The following REEP2 variants were observed in gnomAD, a reference collection of about 807,000 sequenced individuals.
The protein encoded by REEP2 is receptor accessory protein 2, also known as receptor expression-enhancing protein 2.
REEP2 carries 9 observed loss-of-function variants against 32.1 expected under a neutral mutation model. The ratio of observed to expected loss-of-function variants is 0.28; its 90% confidence interval spans 0.17 to 0.49. REEP2 has a LOEUF of 0.49. REEP2 is among the 20% of genes least tolerant of loss of function. The pLI is 0.99. For synonymous variants in REEP2, 128 were observed against 139.1 expected (o/e 0.92, Z 0.56); for missense variants, 236 against 338.0 (o/e 0.70, Z 2.37).
At position 138,444,448 on chromosome 5, in the gene REEP2, C is replaced by T. The variant is rs550111412; in HGVS notation, c.216C>T (p.Phe72=). ...TCTACTTTGAACTGAAGATCGCCTT[C>T]GTGATATGGCTGCTGTCCCCTTACA... The part of the protein sequence containing the change: ...FPFYFELKIA[F]VIWLLSPYTK... The change falls in exon 4 of 8, where the codon TTC becomes TTT. Residue 72 remains phenylalanine (F), a synonymous_variant. Coordinates refer to ENST00000378339, the MANE Select transcript of REEP2 (RefSeq NM_001271803.2). The T allele has an allele frequency of 1.2e-5, 19 of 1,614,064 alleles. No homozygotes were observed. Among genetic ancestry groups the T allele is most frequent in the East Asian group, 2.2e-5 (1 of 44,876 alleles).
In REEP2 at chr5:138,439,086, G is replaced by T. The variant is rs552699765; in HGVS notation, c.-123G>T. The T allele has an allele frequency of 1.7e-4, 62 of 357,076 alleles. 1 individual carries two copies. The South Asian group carries it at 5.4e-3, about 31-fold the overall frequency. 22.1% of individuals were successfully genotyped at this position (357,076 alleles called of 1,614,324 possible). On this transcript the variant is annotated 5_prime_UTR_variant, in exon 1 of 8. Transcript: ENST00000378339. ...CTGGGCGCTCCGCTGCCCCCGCGGC[G>T]GCTGCTGCAGCGGCTGCTGCTGCTA...
At chr5:138,442,118 A>G (rs1201925100) in intron 3 of REEP2, among the ~76,000 whole-genome samples, 1 of 152,170 alleles carries the variant, frequency 6.6e-6, no homozygotes, top group Non-Finnish European at 1.5e-5. Context: ...ACTCCTATAA[A>G]TGCTGGATAC....
Position 138,446,071 on chromosome 5 carries a change from A to C in REEP2, c.*320A>C. 1 of 370,636 alleles carries C rather than the reference A, an allele frequency of 2.7e-6. No homozygotes were observed. The highest frequency in any genetic ancestry group is 4.9e-6 in the Non-Finnish European group (1 of 204,746). The allele number at this position is 370,636 out of a possible 1,614,324, so 23.0% of individuals were successfully genotyped here. ...GCCCCACCCACCCAGTGCCTTGCTGAAGCCCATAGCAATCCGCTTCTCAGA... is the reference window on the plus strand; with the variant it reads ...GCCCCACCCACCCAGTGCCTTGCTGCAGCCCATAGCAATCCGCTTCTCAGA... On this transcript the variant is annotated 3_prime_UTR_variant, in exon 8 of 8. Coordinates refer to ENST00000378339, the MANE Select transcript of REEP2 (RefSeq NM_001271803.2).
At chr5:138,440,149 T>C (rs756877330) in intron 1 of REEP2, among the ~76,000 whole-genome samples, 18 of 152,202 alleles carry the variant, frequency 1.2e-4, no homozygotes, top group Non-Finnish European at 2.2e-4. Flanking sequence ...CCTGCCCTAA[T>C]GAGGACACTG....
intron 1 of REEP2, 86 bp downstream of exon 1, chr5:138,439,326 T>G: frequency 7.6e-7 from 1 of 1,314,822 alleles, no homozygotes; most frequent in Non-Finnish European, 1.0e-6. Context: ...CGAAGCTTCG[T>G]GCAGCAGAGT....
At chr5:138,443,652 C>A (rs1475829414) in intron 3 of REEP2, 1 of 152,076 alleles carries the variant, frequency 6.6e-6, no homozygotes, top group African/African-American at 2.4e-5. Flanking sequence ...AGTGATCCTC[C>A]CACCTCAACC....
In REEP2 at chr5:138,445,802, C is replaced by A. The variant is rs1378316605; in HGVS notation, c.*51C>A. ...AGCAAGGATGAAGCCTCAGGAGGGG[C>A]CTCAGACCCAGCCCCTGCTCCACAC... On this transcript the variant is annotated 3_prime_UTR_variant, in exon 8 of 8. Coordinates refer to ENST00000378339, the MANE Select transcript of REEP2 (RefSeq NM_001271803.2). The A allele has an allele frequency of 1.9e-6, 3 of 1,557,288 alleles. No individual in the cohort carries two copies. The Admixed American group carries it at 5.4e-5, about 28-fold the overall frequency.
rs766170196 is a variant in REEP2 at position 138,441,414 on chromosome 5, T to C, written c.135T>C (p.Phe45=). ...YVKWMMYWIV[F]AFFTTAETLT... The stretch of plus-strand genomic sequence containing the variant: ...AATGGATGATGTACTGGATCGTCTT[T>C]GCCTTCTTCACCACGGCCGAGACGC... Residue 45 remains phenylalanine, a synonymous_variant, in exon 3 of 8, where the codon TTT becomes TTC. Transcript: ENST00000378339. This position sits in a 1 kb window ranked among gnomAD's most constrained non-coding sequence, Gnocchi z 4.4. 5.6e-6 allele frequency: 9 copies of C among 1,614,088 alleles called. No individual in the cohort carries two copies. Among genetic ancestry groups the C allele is most frequent in the African/African-American group, 1.3e-5 (1 of 74,940 alleles).
chr5:138,445,093 CTCTG>C (rs1202085204), intron 5 of REEP2, 131 bp from the exon 6 acceptor site: 18 of 1,058,770 alleles, frequency 1.7e-5, no homozygotes, highest in Non-Finnish European at 2.5e-5. Context: ...CAGCCCTCAG[CTCTG>C]TCTGTGTGGG....
chr5:138,443,382 C>A (rs1763863043), intron 3 of REEP2, among the ~76,000 whole-genome samples: 1 of 151,032 alleles, frequency 6.6e-6, no homozygotes, highest in African/African-American at 2.4e-5. Flanking sequence ...ATTGCTTGAA[C>A]CCAGGAGGCA....
chr5:138,439,111 ACTGCGGCTC>A lies in REEP2; in HGVS notation c.-93_-85del. On this transcript the variant is annotated 5_prime_UTR_variant, in exon 1 of 8. Transcript: ENST00000378339. ...GGCTGCTGCAGCGGCTGCTGCTGCT[ACTGCGGCTC>A]CTGCTGCCGCCGCCGCCGCCGCTCG... 1.7e-6 allele frequency: 1 copy of A among 602,878 alleles called. No individual in the cohort carries two copies. The highest frequency in any genetic ancestry group is 7.8e-5 in the South Asian group (1 of 12,756). The allele number at this position is 602,878 out of a possible 1,614,324, so 37.3% of individuals were successfully genotyped here.
rs563152738 is a variant in REEP2 at position 138,441,770 on chromosome 5, C to CAA, written c.182+318_182+319dup. Among the ~76,000 whole-genome samples the CAA allele has an allele frequency of 4.8e-4, 71 of 147,958 alleles. No individual in the cohort carries two copies. The highest frequency in any genetic ancestry group is 7.2e-4 in the Non-Finnish European group (48 of 66,692). On this transcript the variant is annotated intron_variant, in intron 3 of 7. Coordinates refer to ENST00000378339, the MANE Select transcript of REEP2 (RefSeq NM_001271803.2). The surrounding 1 kb of genome is among the most constrained non-coding windows in gnomAD (Gnocchi z 4.4). ...TGAAACCCCGTCTCCACTAAAAATA[C>CAA]AAAAAAAAAATAGCTGGGCATGGTG...
Position 138,441,556 on chromosome 5 carries a change from G to A in REEP2, c.182+95G>A. 9.4e-7 allele frequency: 1 copy of A among 1,060,970 alleles called. No homozygotes were observed. 65.7% of individuals were successfully genotyped at this position (1,060,970 alleles called of 1,614,324 possible). A position where few individuals can be genotyped will look rare whatever the true frequency, so the allele number is the denominator to read the frequency against. On this transcript the variant is annotated intron_variant, in intron 3 of 7. Coordinates refer to ENST00000378339, the MANE Select transcript of REEP2 (RefSeq NM_001271803.2). This position sits in a 1 kb window ranked among gnomAD's most constrained non-coding sequence, Gnocchi z 4.4. ...ACAAAAGACTGGGCCTGGGGGTGAA[G>A]CTCCTCCCATTCCTGACAATTTCAT...
At position 138,442,582 on chromosome 5, in the gene REEP2, G is replaced by A. The variant is rs562097688; in HGVS notation, c.182+1121G>A. 2.8e-3 allele frequency among the ~76,000 whole-genome samples: 429 copies of A among 152,240 alleles called. 2 individuals carry two copies. The highest frequency in any genetic ancestry group is 4.9e-3 in the Non-Finnish European group (333 of 68,018). On this transcript the variant is annotated intron_variant, in intron 3 of 7. Transcript: ENST00000378339. ...AAAAATTAGCTAGGCATGGCAGGGC[G>A]CAGTGGCTCACACCTGTAATCCCAG...
intron 1 of REEP2, chr5:138,439,922 C>A: frequency 5.4e-6 from 2 of 372,702 alleles, no homozygotes; most frequent in Non-Finnish European, 1.1e-5. Context: ...GCCAGCCACA[C>A]TGTGGAGCTG....
At position 138,445,019 on chromosome 5, in the gene REEP2, C is replaced by G. The variant is rs563350671; in HGVS notation, c.417+152C>G. The G allele has an allele frequency of 2.6e-5, 20 of 765,698 alleles. No individual in the cohort carries two copies. The Admixed American group carries it at 5.2e-4, about 20-fold the overall frequency. The allele number at this position is 765,698 out of a possible 1,614,324, so 47.4% of individuals were successfully genotyped here. On this transcript the variant is annotated intron_variant, in intron 5 of 7. Coordinates refer to ENST00000378339, the MANE Select transcript of REEP2 (RefSeq NM_001271803.2). Reference sequence around the variant, plus strand: ...AGTCCAGGCTCTACTGCTATCTGGCCGAGTCACTTTGATTGTCCGGCCATT... The same window carrying G: ...AGTCCAGGCTCTACTGCTATCTGGCGGAGTCACTTTGATTGTCCGGCCATT...
intron 5 of REEP2, 32 bp downstream of exon 5, chr5:138,444,899 C>A (rs753836980): frequency 6.5e-7 from 1 of 1,533,510 alleles, no homozygotes; most frequent in East Asian, 2.3e-5. Context: ...ACTCCCAGGG[C>A]CCCTACCTTG....
intron 1 of REEP2, among the ~76,000 whole-genome samples, chr5:138,440,708 C>T (rs1479705746): frequency 6.6e-6 from 1 of 152,192 alleles, no homozygotes; most frequent in Non-Finnish European, 1.5e-5. Context: ...GACTCCCAGT[C>T]TCCATGACAT....
chr5:138,441,042 C>G lies in REEP2; in HGVS notation c.59C>G (p.Ala20Gly). 6.2e-7 allele frequency: 1 copy of G among 1,613,630 alleles called. No individual in the cohort carries two copies. The highest frequency in any genetic ancestry group is 8.5e-7 in the Non-Finnish European group (1 of 1,180,008). Reference sequence around the variant, plus strand: ...CTCATCTTTGGCACCCTGTACCCAGCCTATTCTTCCTACAAGGCCGTGAAG... The same window carrying G: ...CTCATCTTTGGCACCCTGTACCCAGGCTATTCTTCCTACAAGGCCGTGAAG... ...VVLIFGTLYPAYSSYKAVKTK... is the reference protein window; with the variant it reads ...VVLIFGTLYPGYSSYKAVKTK... Residue 20 changes from alanine (A) to glycine (G), a missense_variant, in exon 2 of 8, where the codon GCC (alanine) becomes GGC (glycine). Physicochemically the swap from Ala to Gly is moderately conservative, Grantham distance 60. Transcript: ENST00000378339. This position sits in a 1 kb window ranked among gnomAD's most constrained non-coding sequence, Gnocchi z 4.4.
Sources: gnomAD v4.1 joint callset for allele counts (sites outside exome capture counted in the v4.1 genomes callset) on GRCh38, gnomAD v4.1.1 for gene constraint, Gnocchi (gnomAD v3.1) non-coding constraint, MANE v1.5 for transcripts, NCBI Gene and HGNC (gene_info 2026-07-23, HGNC 2026-07-21) for gene names.